Variants in GLIS3 observed in about 807,000 individuals in gnomAD.
GLIS3 encodes the protein GLIS family zinc finger 3, also known as zinc finger protein GLIS3.
GLIS3 carries 53 observed loss-of-function variants against 78.6 expected under a neutral mutation model. That is an observed-to-expected ratio of 0.67 (90% CI 0.54 to 0.85). The LOEUF is 0.85. GLIS3 is among the 40% of genes least tolerant of loss of function. GLIS3 has a pLI of 0.00. For synonymous variants in GLIS3, 684 were observed against 509.9 expected (o/e 1.34, Z -4.60); for missense variants, 1,703 against 1,231.1 (o/e 1.38, Z -5.74).
chr9:4,022,986 G>C (rs961054374), intron 4 of GLIS3, among the ~76,000 whole-genome samples: 1 of 152,136 alleles, frequency 6.6e-6, no homozygotes, highest in Non-Finnish European at 1.5e-5. Flanking sequence ...CTGTTGTCTT[G>C]TTTATGGTGG....
intron 2 of GLIS3, among the ~76,000 whole-genome samples, chr9:4,226,545 G>T (rs1478373069): frequency 1.3e-5 from 2 of 152,150 alleles, no homozygotes; most frequent in Non-Finnish European, 2.9e-5. Context: ...GGAGGGAATG[G>T]TAAGGTGGAG....
intron 7 of GLIS3, among the ~76,000 whole-genome samples, chr9:3,880,369 G>T (rs1188065964): frequency 1.3e-5 from 2 of 152,158 alleles, no homozygotes; most frequent in African/African-American, 4.8e-5. Context: ...TAATTGGTAC[G>T]ATGTCACAGA....
intron 4 of GLIS3, among the ~76,000 whole-genome samples, chr9:3,999,614 ATAAT>A (rs1292602134): frequency 6.6e-6 from 1 of 152,006 alleles, no homozygotes. Flanking sequence ...AACAAAGATA[ATAAT>A]TAAGAGACAA....
chr9:4,017,658 G>C (rs1250854172), intron 4 of GLIS3, among the ~76,000 whole-genome samples: 1 of 152,188 alleles, frequency 6.6e-6, no homozygotes, highest in Non-Finnish European at 1.5e-5. Flanking sequence ...TTTTCAGGAG[G>C]AGAAGAGTCA....
chr9:4,136,584 C>A (rs964422495), intron 2 of GLIS3, among the ~76,000 whole-genome samples: 5 of 152,114 alleles, frequency 3.3e-5, no homozygotes, highest in African/African-American at 1.2e-4. Flanking sequence ...CCAAGGGACT[C>A]ATCTAAGACT....
the GLIS3 span, among the ~76,000 whole-genome samples, chr9:4,402,978 C>A: frequency 6.6e-6 from 1 of 152,004 alleles, no homozygotes; most frequent in Non-Finnish European, 1.5e-5. Flanking sequence ...TAATAGAACA[C>A]CAAGCAGATT....
At chr9:3,849,245 T>C (rs771124780) in intron 9 of GLIS3, among the ~76,000 whole-genome samples, 5 of 152,020 alleles carry the variant, frequency 3.3e-5, no homozygotes, top group Non-Finnish European at 5.9e-5. Context: ...TGAATGAATC[T>C]GTCTGTGATT....
At chr9:4,282,007 G>C (rs2130296428) in intron 2 of GLIS3, among the ~76,000 whole-genome samples, 1 of 152,244 alleles carries the variant, frequency 6.6e-6, no homozygotes, top group Middle Eastern at 3.4e-3. Flanking sequence ...CAACTGAGCA[G>C]AACTCAATTT....
At chr9:4,060,345 T>C (rs78837883) in intron 4 of GLIS3, among the ~76,000 whole-genome samples, 1 of 152,204 alleles carries the variant, frequency 6.6e-6, no homozygotes, top group Non-Finnish European at 1.5e-5. Context: ...CTAGCCAGCC[T>C]GCTTCTCGTC....
chr9:4,428,772 C>T, the GLIS3 span, among the ~76,000 whole-genome samples: 1 of 152,096 alleles, frequency 6.6e-6, no homozygotes, highest in Admixed American at 6.6e-5. Context: ...CATTGAGAGA[C>T]CATCTCCTCT....
Position 4,099,241 on chromosome 9 carries a change from G to A in GLIS3, c.1710+18527C>T, listed in dbSNP as rs79984828. Among the ~76,000 whole-genome samples, 340 of 152,322 alleles carry A rather than the reference G, an allele frequency of 2.2e-3. 1 individual carries two copies. The highest frequency in any genetic ancestry group is 7.8e-3 in the African/African-American group (324 of 41,570). ...CTTTAATGGGTGGCTTAAAATAACA[G>A]AAATGTATCATCTCATAGGTCTGGA... On this transcript the variant is annotated intron_variant, in intron 4 of 10. Transcript: ENST00000381971.
At chr9:3,938,149 C>G (rs1029157582) in intron 4 of GLIS3, among the ~76,000 whole-genome samples, 16 of 152,226 alleles carry the variant, frequency 1.1e-4, no homozygotes, top group African/African-American at 3.9e-4. Context: ...TTTTAACTCT[C>G]TCTTTGGTGC....
chr9:4,227,578 T>G, intron 2 of GLIS3, among the ~76,000 whole-genome samples: 1 of 152,140 alleles, frequency 6.6e-6, no homozygotes, highest in Non-Finnish European at 1.5e-5. Context: ...AAGAGTGACT[T>G]GAATCCTGGA....
At chr9:4,070,271 G>A (rs1054303560) in intron 4 of GLIS3, among the ~76,000 whole-genome samples, 2 of 152,050 alleles carry the variant, frequency 1.3e-5, no homozygotes, top group Admixed American at 6.6e-5. Flanking sequence ...CCCCTCTCAT[G>A]GGGATAATGA....
At chr9:4,223,253 G>A (rs1393891033) in intron 2 of GLIS3, among the ~76,000 whole-genome samples, 1 of 152,178 alleles carries the variant, frequency 6.6e-6, no homozygotes, top group East Asian at 1.9e-4. Context: ...TGAAGTTGGA[G>A]TAAGAAGACT....
rs150214503 is a variant in GLIS3 at position 4,333,737 on chromosome 9, C to G, written n.264+13344G>C. Among the ~76,000 whole-genome samples, 1,058 of 109,420 alleles carry G rather than the reference C, an allele frequency of 9.7e-3. 9 individuals are homozygous for G. Among genetic ancestry groups the G allele is most frequent in the Middle Eastern group, 0.06 (11 of 184 alleles). The allele number at this position is 109,420 out of a possible 152,430, so 71.8% of individuals were successfully genotyped here. ...ACGTAATTGTGAAGCAATGTGATGC[C>G]CCCCCCCACCCCCCGCAACTTCATC... On this transcript the variant is annotated intron_variant and non_coding_transcript_variant, in intron 2 of 4. Transcript: ENST00000471664.
At chr9:4,283,775 A>T (rs1480296471) in intron 2 of GLIS3, among the ~76,000 whole-genome samples, 1 of 152,216 alleles carries the variant, frequency 6.6e-6, no homozygotes, top group Non-Finnish European at 1.5e-5. Flanking sequence ...AGGAATTGTC[A>T]ACCAAAATCT....
intron 7 of GLIS3, chr9:3,898,142 A>G (rs1822996202): frequency 6.0e-6 from 1 of 167,524 alleles, no homozygotes; most frequent in Admixed American, 5.6e-5. Context: ...CATACATGTA[A>G]TTTTCCAAAT....
chr9:3,961,116 G>A lies in GLIS3; in HGVS notation c.1711-23927C>T, dbSNP rs569153124. 3.3e-5 allele frequency among the ~76,000 whole-genome samples: 5 copies of A among 152,220 alleles called. No homozygotes were observed. The South Asian group carries it at 1.0e-3, about 32-fold the overall frequency. ...AAACTAATTTGTCACCACAACTGCT[G>A]AACCTCATTGCTCTGACAGCAGCAC... is the stretch of plus-strand genomic sequence containing the variant. On this transcript the variant is annotated intron_variant, in intron 4 of 10. Coordinates refer to ENST00000381971, the MANE Select transcript of GLIS3 (RefSeq NM_001042413.2).
Sources: allele counts gnomAD v4.1 joint callset (sites outside exome capture counted in the v4.1 genomes callset), GRCh38; gene constraint gnomAD v4.1.1; transcripts MANE v1.5; gene names NCBI Gene and HGNC (gene_info 2026-07-23, HGNC 2026-07-21).